ASIC2: variants seen among roughly 807,000 people sequenced by gnomAD.
ASIC2 encodes acid sensing ion channel subunit 2, also known as acid-sensing ion channel 2.
ASIC2 carries 25 observed loss-of-function variants against 57.3 expected under a neutral mutation model. The ratio of observed to expected loss-of-function variants is 0.44; its 90% CI spans 0.32 to 0.61. The LOEUF (loss-of-function observed/expected upper bound fraction) is 0.61, where lower values mean the gene tolerates loss of function less well. Ranked by LOEUF, ASIC2 falls within the 20% of genes least tolerant of loss-of-function variation. ASIC2 has a pLI of 0.06. For synonymous variants in ASIC2, 319 were observed against 307.5 expected, an observed-to-expected ratio of 1.04 and a Z score of -0.39; for missense variants, 641 against 738.1, an observed-to-expected ratio of 0.87 and a Z score of 1.52.
intron 3 of ASIC2, among the ~76,000 whole-genome samples, chr17:33,041,530 C>G (rs2141917937): frequency 6.6e-6 from 1 of 152,330 alleles, no homozygotes; most frequent in Non-Finnish European, 1.5e-5. Flanking sequence ...ATGAATTTCC[C>G]TATCCTACTT....
At chr17:33,032,577 T>C (rs867797725) in intron 3 of ASIC2, among the ~76,000 whole-genome samples, 4 of 151,002 alleles carry the variant, frequency 2.6e-5, no homozygotes, top group Non-Finnish European at 4.4e-5. Context: ...GCCTCCTAAG[T>C]AGCTGGGACT....
At chr17:34,136,792 AT>A (rs1912137622) in intron 1 of ASIC2, among the ~76,000 whole-genome samples, 3 of 152,242 alleles carry the variant, frequency 2.0e-5, no homozygotes, top group South Asian at 2.1e-4. Context: ...CTCTTCAAAT[AT>A]TTTGGAGAGT....
intron 1 of ASIC2, among the ~76,000 whole-genome samples, chr17:33,298,330 G>T (rs1905808160): frequency 6.6e-6 from 1 of 152,034 alleles, no homozygotes; most frequent in African/African-American, 2.4e-5. Context: ...TCCCACCTAT[G>T]AGTGAGAACA....
intron 1 of ASIC2, among the ~76,000 whole-genome samples, chr17:33,832,169 C>G (rs1249139205): frequency 6.6e-6 from 1 of 152,212 alleles, no homozygotes; most frequent in East Asian, 1.9e-4. Flanking sequence ...AGGATTTTGC[C>G]TTTTATTCTC....
At chr17:33,539,495 A>G (rs1320139775) in intron 1 of ASIC2, among the ~76,000 whole-genome samples, 1 of 152,242 alleles carries the variant, frequency 6.6e-6, no homozygotes, top group Non-Finnish European at 1.5e-5. Context: ...AAAGATCTGA[A>G]GACCCAAATG....
intron 1 of ASIC2, among the ~76,000 whole-genome samples, chr17:33,143,833 A>T (rs951300325): frequency 6.6e-6 from 1 of 152,232 alleles, no homozygotes; most frequent in Non-Finnish European, 1.5e-5. Context: ...CATGGAAAAG[A>T]TGTATGCATA....
At chr17:33,386,275 A>G (rs992598466) in intron 1 of ASIC2, among the ~76,000 whole-genome samples, 1 of 152,134 alleles carries the variant, frequency 6.6e-6, no homozygotes, top group Non-Finnish European at 1.5e-5. Context: ...CTAGGTGTCC[A>G]CTTTGCTTCT....
At chr17:33,076,391 T>C (rs903198450) in intron 3 of ASIC2, among the ~76,000 whole-genome samples, 1 of 152,064 alleles carries the variant, frequency 6.6e-6, no homozygotes, top group Non-Finnish European at 1.5e-5. Context: ...CTATTAGGAG[T>C]CGGGTCCAAA....
chr17:33,844,731 G>T (rs1913531944), intron 1 of ASIC2, among the ~76,000 whole-genome samples: 1 of 152,206 alleles, frequency 6.6e-6, no homozygotes, highest in African/African-American at 2.4e-5. Context: ...CCAGCTGACA[G>T]ATATAAACTG....
chr17:33,077,055 C>T (rs867831768), intron 3 of ASIC2, among the ~76,000 whole-genome samples: 6 of 152,038 alleles, frequency 3.9e-5, no homozygotes, highest in Non-Finnish European at 7.3e-5. Flanking sequence ...AGTTTATATT[C>T]CCCTCAACAG....
intron 1 of ASIC2, among the ~76,000 whole-genome samples, chr17:33,802,038 G>C (rs931821944): frequency 6.6e-6 from 1 of 152,230 alleles, no homozygotes; most frequent in Non-Finnish European, 1.5e-5. Context: ...AAGACATGGA[G>C]AGAAGGTGTT....
intron 1 of ASIC2, among the ~76,000 whole-genome samples, chr17:33,394,493 G>T (rs1359525973): frequency 6.6e-6 from 1 of 152,190 alleles, no homozygotes; most frequent in Non-Finnish European, 1.5e-5. Flanking sequence ...GTGTAGCTAG[G>T]GTTGGAAAAC....
At chr17:34,120,950 G>T (rs905132110) in intron 1 of ASIC2, among the ~76,000 whole-genome samples, 1 of 151,882 alleles carries the variant, frequency 6.6e-6, no homozygotes, top group Non-Finnish European at 1.5e-5. Context: ...ATGTTCCCCA[G>T]GCTAGCCTTG....
At chr17:33,267,741 T>C (rs7209079) in intron 1 of ASIC2, among the ~76,000 whole-genome samples, 52,984 of 152,038 alleles carry the variant, frequency 0.35, 9,312 homozygotes, top group Admixed American at 0.42. Flanking sequence ...TAGGAAGTGA[T>C]GGTGCTCCGG....
chr17:33,732,120 T>G (rs1357353965), intron 1 of ASIC2, among the ~76,000 whole-genome samples: 1 of 152,214 alleles, frequency 6.6e-6, no homozygotes, highest in Non-Finnish European at 1.5e-5. Context: ...TTCTAGGAAT[T>G]TATCCTACAG....
chr17:33,766,507 C>T (rs76640630), intron 1 of ASIC2, among the ~76,000 whole-genome samples: 3,987 of 152,286 alleles, frequency 0.026, 197 homozygotes, highest in African/African-American at 0.091. Flanking sequence ...AAGCACTCTT[C>T]TCCCTCAGAC....
At chr17:33,543,183 G>C (rs907496898) in intron 1 of ASIC2, among the ~76,000 whole-genome samples, 2 of 150,160 alleles carry the variant, frequency 1.3e-5, no homozygotes, top group African/African-American at 2.5e-5. Flanking sequence ...TATACCTAAT[G>C]CTAGATGACG....
chr17:34,134,399 C>G (rs1488774023), intron 1 of ASIC2, among the ~76,000 whole-genome samples: 2 of 152,192 alleles, frequency 1.3e-5, no homozygotes, highest in African/African-American at 4.8e-5. Flanking sequence ...TCACCTTTAA[C>G]CAAGTCCATC....
chr17:33,836,379 A>T (rs1223565154), intron 1 of ASIC2, among the ~76,000 whole-genome samples: 1 of 151,822 alleles, frequency 6.6e-6, no homozygotes, highest in Non-Finnish European at 1.5e-5. Flanking sequence ...ATGGGATTTC[A>T]CCATGTTTCT....
Sources: allele counts gnomAD v4.1 joint callset (sites outside exome capture counted in the v4.1 genomes callset), GRCh38; gene constraint gnomAD v4.1.1; transcripts MANE v1.5; gene names NCBI Gene and HGNC (gene_info 2026-07-23, HGNC 2026-07-21).